IFT43: variants seen among roughly 807,000 people sequenced by gnomAD.
IFT43 encodes intraflagellar transport 43.
IFT43 carries 33 observed loss-of-function variants against 32.3 expected under a neutral mutation model. That is an observed-to-expected ratio of 1.02 (90% CI 0.77 to 1.37). The LOEUF (loss-of-function observed/expected upper bound fraction) is 1.37, where lower values mean the gene tolerates loss of function less well. Ranked by LOEUF, IFT43 falls within the 40% of genes most tolerant of loss-of-function variation. The pLI is 0.00. For synonymous variants in IFT43, 93 were observed against 98.2 expected (o/e 0.95, Z 0.31); for missense variants, 274 against 265.9 (o/e 1.03, Z -0.21).
intron 2 of IFT43, among the ~76,000 whole-genome samples, chr14:75,995,612 G>A (rs1040987484): frequency 2.6e-5 from 4 of 152,092 alleles, no homozygotes; most frequent in African/African-American, 4.8e-5. Flanking sequence ...CTCGCCCTCC[G>A]CCTGTCCCCT....
At chr14:76,071,611 G>T (rs951462054) in intron 5 of IFT43, among the ~76,000 whole-genome samples, 3 of 152,124 alleles carry the variant, frequency 2.0e-5, no homozygotes, top group African/African-American at 7.2e-5. Flanking sequence ...CCATCACACG[G>T]TCTTTACTTC....
At chr14:76,029,843 T>A (rs551376447) in intron 3 of IFT43, among the ~76,000 whole-genome samples, 1 of 145,338 alleles carries the variant, frequency 6.9e-6, no homozygotes, top group Non-Finnish European at 1.5e-5. Context: ...GTACTTTTTT[T>A]ATTTTTATTT....
intron 2 of IFT43, among the ~76,000 whole-genome samples, chr14:76,006,902 G>A (rs2035990478): frequency 7.0e-6 from 1 of 142,464 alleles, no homozygotes; most frequent in African/African-American, 2.6e-5. Context: ...CTGTTGCCTA[G>A]GCTAGAGTGC....
At chr14:76,063,483 G>A (rs924404941) in intron 5 of IFT43, among the ~76,000 whole-genome samples, 4 of 152,154 alleles carry the variant, frequency 2.6e-5, no homozygotes, top group African/African-American at 4.8e-5. Context: ...TGAGACCTTC[G>A]TGCTATGTGT....
chr14:75,999,271 ATGTATATATATTTT>A (rs1355850431), intron 2 of IFT43, among the ~76,000 whole-genome samples: 5 of 25,812 alleles, frequency 1.9e-4, no homozygotes, highest in African/African-American at 4.1e-4. Flanking sequence ...ATATATATAT[ATGTATATATATTTT>A]TTTTTTTTTT....
intron 5 of IFT43, among the ~76,000 whole-genome samples, chr14:76,062,526 A>G (rs543265074): frequency 6.6e-6 from 1 of 152,178 alleles, no homozygotes; most frequent in Non-Finnish European, 1.5e-5. Context: ...AGTTGAAAAT[A>G]TTGTAACATA....
chr14:76,037,691 GTT>G (rs34567798), intron 3 of IFT43, among the ~76,000 whole-genome samples: 2 of 146,896 alleles, frequency 1.4e-5, no homozygotes, highest in African/African-American at 5.0e-5. Context: ...CTCATTCTCT[GTT>G]TTTTTTTTTT....
chr14:76,032,167 C>G (rs1421502724), intron 3 of IFT43, among the ~76,000 whole-genome samples: 1 of 152,152 alleles, frequency 6.6e-6, no homozygotes, highest in Non-Finnish European at 1.5e-5. Flanking sequence ...ATCCTGGCCT[C>G]CTCTCTTTAT....
chr14:76,070,875 G>T (rs375185948), intron 5 of IFT43, among the ~76,000 whole-genome samples: 4 of 152,082 alleles, frequency 2.6e-5, no homozygotes, highest in African/African-American at 9.7e-5. Flanking sequence ...AGCAGAGGGC[G>T]CTGTGTTTCC....
chr14:76,040,598 C>T (rs776561955), intron 3 of IFT43, among the ~76,000 whole-genome samples: 2 of 152,202 alleles, frequency 1.3e-5, no homozygotes, highest in Non-Finnish European at 2.9e-5. Flanking sequence ...TTTAAGGCCT[C>T]GGATGGCTAG....
At position 76,083,219 on chromosome 14, in the gene IFT43, A is replaced by G; in HGVS notation, c.445-8A>G. ...CTCAGCCTGACCTTTTTTTGTTTGC[A>G]TTCACAGGATGGGGAGATCGACCTG... On this transcript the variant is annotated splice_region_variant and splice_polypyrimidine_tract_variant and intron_variant, in intron 7 of 8. Transcript: ENST00000314067. 6.2e-7 allele frequency: 1 copy of G among 1,614,072 alleles called. No individual in the cohort carries two copies. Among genetic ancestry groups the G allele is most frequent in the South Asian group, 1.1e-5 (1 of 91,074 alleles).
At chr14:76,057,884 A>G (rs1369437244) in intron 3 of IFT43, among the ~76,000 whole-genome samples, 2 of 152,196 alleles carry the variant, frequency 1.3e-5, no homozygotes, top group African/African-American at 4.8e-5. Context: ...AATCATCAAC[A>G]TTTCGCCAGT....
intron 3 of IFT43, among the ~76,000 whole-genome samples, chr14:76,057,446 G>A (rs905609751): frequency 8.6e-5 from 13 of 151,876 alleles, no homozygotes; most frequent in Non-Finnish European, 1.6e-4. Flanking sequence ...GGACGGGCTG[G>A]TCTCAAACTC....
At chr14:76,044,827 C>T (rs2036774751) in intron 3 of IFT43, among the ~76,000 whole-genome samples, 1 of 152,194 alleles carries the variant, frequency 6.6e-6, no homozygotes, top group Non-Finnish European at 1.5e-5. Context: ...TCCACCACCC[C>T]TGAGACAGCA....
At chr14:76,008,536 C>A (rs2036020577) in intron 2 of IFT43, among the ~76,000 whole-genome samples, 1 of 152,110 alleles carries the variant, frequency 6.6e-6, no homozygotes, top group Non-Finnish European at 1.5e-5. Flanking sequence ...ATATGATGAG[C>A]ACAAGGCTGC....
chr14:76,037,090 A>G (rs2036614358), intron 3 of IFT43, among the ~76,000 whole-genome samples: 2 of 152,122 alleles, frequency 1.3e-5, no homozygotes, highest in Non-Finnish European at 2.9e-5. Flanking sequence ...AGAATTTCCC[A>G]CATTCTGGAT....
intron 5 of IFT43, chr14:76,059,654 C>A: frequency 4.3e-6 from 2 of 463,088 alleles, no homozygotes; most frequent in Non-Finnish European, 8.0e-6. Flanking sequence ...CCCTCTCTCA[C>A]TGGATGTTCT....
At chr14:76,072,503 G>A (rs1448240914) in intron 5 of IFT43, among the ~76,000 whole-genome samples, 3 of 152,118 alleles carry the variant, frequency 2.0e-5, no homozygotes, top group African/African-American at 7.2e-5. Flanking sequence ...TAACGTCTCC[G>A]GGATTCCATT....
At chr14:75,998,977 C>T (rs547919604) in intron 2 of IFT43, among the ~76,000 whole-genome samples, 1 of 152,084 alleles carries the variant, frequency 6.6e-6, no homozygotes, top group Non-Finnish European at 1.5e-5. Flanking sequence ...TCAGGCAGTC[C>T]TCCCACCTTG....
Sources: allele counts gnomAD v4.1 joint callset (sites outside exome capture counted in the v4.1 genomes callset), GRCh38; gene constraint gnomAD v4.1.1; transcripts MANE v1.5; gene names NCBI Gene and HGNC (gene_info 2026-07-23, HGNC 2026-07-21).